Variants in NAV3 observed in about 807,000 individuals in gnomAD.
The protein encoded by NAV3 is neuron navigator 3.
NAV3 carries 87 observed loss-of-function variants against 244.7 expected under a neutral mutation model. The observed-to-expected ratio is 0.36, with a 90% CI of 0.30 to 0.42. The LOEUF is 0.42. NAV3 is among the 20% of genes least tolerant of loss of function. The probability of loss-of-function intolerance (pLI) is 1.00; values close to 1 mark genes in which losing one functional copy is unlikely to be tolerated. For synonymous variants in NAV3, 1,126 were observed against 1,042.2 expected (o/e 1.08, Z -1.55); for missense variants, 2,663 against 2,893.3 (o/e 0.92, Z 1.83).
At chr12:78,019,132 A>AT (rs1424413491) in intron 8 of NAV3, among the ~76,000 whole-genome samples, 2 of 152,074 alleles carry the variant, frequency 1.3e-5, no homozygotes, top group Non-Finnish European at 2.9e-5. Context: ...CAAGGCAGGC[A>AT]TTTTTTCTTA....
At chr12:77,920,397 G>T (rs1405160511) in intron 1 of NAV3, among the ~76,000 whole-genome samples, 1 of 151,610 alleles carries the variant, frequency 6.6e-6, no homozygotes, top group Non-Finnish European at 1.5e-5. Context: ...GCTTAAAATT[G>T]GACATGAAGA....
At position 77,976,666 on chromosome 12, in the gene NAV3, C is replaced by CTTTTTT. The variant is rs1295751885; in HGVS notation, c.671+7966_671+7971dup. ...GTATTCTTTCTTTCTTTCTTTCTTT[C>CTTTTTT]TTTTTTTCTTTTTTTTTTTTTTTTT... On this transcript the variant is annotated intron_variant, in intron 5 of 39. Coordinates refer to ENST00000397909, the MANE Select transcript of NAV3 (RefSeq NM_001024383.2). Among the ~76,000 whole-genome samples, 30 of 58,048 alleles carry CTTTTTT rather than the reference C, an allele frequency of 5.2e-4. 1 individual carries two copies. Among genetic ancestry groups the CTTTTTT allele is most frequent in the African/African-American group, 1.9e-3 (29 of 15,390 alleles). 38.1% of individuals were successfully genotyped at this position (58,048 alleles called of 152,430 possible).
At chr12:77,795,447 A>G (rs1190902233) in intron 2 of NAV3, among the ~76,000 whole-genome samples, 1 of 152,170 alleles carries the variant, frequency 6.6e-6, no homozygotes, top group Non-Finnish European at 1.5e-5. Context: ...GATGATGTGC[A>G]ATCTGTAGCA....
At chr12:77,684,415 G>A (rs1874619087) in intron 2 of NAV3, among the ~76,000 whole-genome samples, 2 of 151,924 alleles carry the variant, frequency 1.3e-5, no homozygotes. Flanking sequence ...TTTTGACAGT[G>A]TTTTACTCTC....
At chr12:77,596,462 C>T (rs1870173144) in intron 2 of NAV3, among the ~76,000 whole-genome samples, 1 of 152,052 alleles carries the variant, frequency 6.6e-6, no homozygotes. Context: ...AAACATGGCT[C>T]ACATTTCTAA....
chr12:78,034,610 A>T (rs1879538916), intron 9 of NAV3, among the ~76,000 whole-genome samples: 1 of 152,228 alleles, frequency 6.6e-6, no homozygotes, highest in Non-Finnish European at 1.5e-5. Context: ...TATATAAAGC[A>T]TTAGAATTGC....
intron 2 of NAV3, among the ~76,000 whole-genome samples, chr12:77,731,727 A>C (rs1877134612): frequency 6.6e-6 from 1 of 152,018 alleles, no homozygotes; most frequent in Non-Finnish European, 1.5e-5. Flanking sequence ...GGTGACACAG[A>C]GTAGTGCTGT....
intron 39 of NAV3, among the ~76,000 whole-genome samples, chr12:78,205,435 G>T (rs1960196380): frequency 6.6e-6 from 1 of 151,744 alleles, no homozygotes; most frequent in Admixed American, 6.6e-5. Context: ...TCTATATTAT[G>T]ACTCAATTCA....
rs968874958 is a variant in NAV3 at position 78,159,399 on chromosome 12, C to T, written c.4869+113C>T. On this transcript the variant is annotated intron_variant, in intron 23 of 39. Coordinates refer to ENST00000397909, the MANE Select transcript of NAV3 (RefSeq NM_001024383.2). ...ATATTCCAGGCTGAGTGCAGAGGCTCATGCCTGTAATCTCACCACTTTGGG... is the reference window on the plus strand; with the variant it reads ...ATATTCCAGGCTGAGTGCAGAGGCTTATGCCTGTAATCTCACCACTTTGGG... 2.6e-5 allele frequency: 25 copies of T among 966,128 alleles called. 1 individual carries two copies. The highest frequency in any genetic ancestry group is 4.7e-5 in the Admixed American group (2 of 42,790). The allele number at this position is 966,128 out of a possible 1,614,324, so 59.8% of individuals were successfully genotyped here.
Position 78,141,401 on chromosome 12 carries a change from C to G in NAV3, c.4683+1067C>G, listed in dbSNP as rs142857619. On this transcript the variant is annotated intron_variant, in intron 20 of 39. Transcript: ENST00000397909. ...GTGAGGTATATTTAAAAGCAGCCTACTGAATCTCAATGGGACTTGAGTACT... is the reference window on the plus strand; with the variant it reads ...GTGAGGTATATTTAAAAGCAGCCTAGTGAATCTCAATGGGACTTGAGTACT... 9.8e-3 allele frequency among the ~76,000 whole-genome samples: 1,494 copies of G among 152,238 alleles called. 21 individuals are homozygous for G. The highest frequency in any genetic ancestry group is 0.033 in the African/African-American group (1,370 of 41,530).
intron 12 of NAV3, among the ~76,000 whole-genome samples, chr12:78,099,630 A>G (rs1027167967): frequency 2.6e-5 from 4 of 152,048 alleles, no homozygotes; most frequent in Middle Eastern, 3.4e-3. Context: ...TATCACAAAT[A>G]GAAGACTTTA....
At chr12:77,701,374 A>G (rs1334100945) in intron 2 of NAV3, among the ~76,000 whole-genome samples, 4 of 151,894 alleles carry the variant, frequency 2.6e-5, no homozygotes, top group Admixed American at 2.6e-4. Flanking sequence ...CCATGAACAT[A>G]TTTGGCAGTG....
intron 12 of NAV3, among the ~76,000 whole-genome samples, chr12:78,070,119 A>G (rs575978408): frequency 2.3e-4 from 35 of 152,150 alleles, no homozygotes; most frequent in Non-Finnish European, 4.7e-4. Context: ...AACGTCAGAC[A>G]CGTTGGACTA....
chr12:78,001,793 C>G (rs772908254), intron 7 of NAV3, among the ~76,000 whole-genome samples: 1 of 152,134 alleles, frequency 6.6e-6, no homozygotes, highest in Non-Finnish European at 1.5e-5. Context: ...AACATTATGT[C>G]GAAGTGGAAC....
At chr12:78,028,948 G>T (rs780718875) in intron 9 of NAV3, among the ~76,000 whole-genome samples, 6 of 152,154 alleles carry the variant, frequency 3.9e-5, no homozygotes, top group Non-Finnish European at 7.3e-5. Context: ...CATGCCAGCA[G>T]CAGTGAACAG....
intron 2 of NAV3, among the ~76,000 whole-genome samples, chr12:77,615,757 C>A (rs1016557067): frequency 2.0e-5 from 3 of 152,070 alleles, no homozygotes; most frequent in Non-Finnish European, 4.4e-5. Context: ...ATAGTGTGGA[C>A]TCTTGTTTGT....
chr12:78,153,302 T>C (rs1022834113), intron 22 of NAV3, among the ~76,000 whole-genome samples: 4 of 152,026 alleles, frequency 2.6e-5, no homozygotes, highest in African/African-American at 9.7e-5. Context: ...CAGTAGAATG[T>C]GTGTTAAGCC....
intron 9 of NAV3, among the ~76,000 whole-genome samples, chr12:78,044,572 G>A (rs926318791): frequency 6.6e-6 from 1 of 152,144 alleles, no homozygotes; most frequent in Non-Finnish European, 1.5e-5. Context: ...AGCATGGAAT[G>A]TTTTTTCGTT....
intron 12 of NAV3, among the ~76,000 whole-genome samples, chr12:78,104,989 G>C (rs1954728436): frequency 6.6e-6 from 1 of 152,080 alleles, no homozygotes; most frequent in Non-Finnish European, 1.5e-5. Context: ...TGTTCACAAT[G>C]CTGAGTGTTT....
Sources: allele counts gnomAD v4.1 joint callset (sites outside exome capture counted in the v4.1 genomes callset), GRCh38; gene constraint gnomAD v4.1.1; transcripts MANE v1.5; gene names NCBI Gene and HGNC (gene_info 2026-07-23, HGNC 2026-07-21).